VIPR2: variants seen among roughly 807,000 people sequenced by gnomAD.
VIPR2 encodes the protein vasoactive intestinal polypeptide receptor 2.
Under a neutral mutation model 58.0 loss-of-function variants are expected in VIPR2, and 48 were observed. The ratio of observed to expected loss-of-function variants is 0.83; its 90% CI spans 0.66 to 1.05. The LOEUF is 1.05. VIPR2 is among the 50% of genes least tolerant of loss of function. The pLI is 0.00. For synonymous variants in VIPR2, 243 were observed against 235.2 expected (o/e 1.03, Z -0.30); for missense variants, 534 against 558.0 (o/e 0.96, Z 0.43).
intron 4 of VIPR2, among the ~76,000 whole-genome samples, chr7:159,070,362 T>G (rs1049013369): frequency 6.6e-6 from 1 of 152,102 alleles, no homozygotes; most frequent in Non-Finnish European, 1.5e-5. Flanking sequence ...ATTTTCTTAC[T>G]TTCTTGAAAT....
intron 4 of VIPR2, among the ~76,000 whole-genome samples, chr7:159,063,961 G>A (rs939356961): frequency 8.6e-5 from 13 of 150,862 alleles, no homozygotes; most frequent in African/African-American, 3.2e-4. Context: ...GGGGTCCGGG[G>A]GTCGTGGAGC....
chr7:159,065,747 C>CTCCGGTCTCA (rs1160979967), intron 4 of VIPR2, among the ~76,000 whole-genome samples: 1 of 152,210 alleles, frequency 6.6e-6, no homozygotes, highest in Non-Finnish European at 1.5e-5. Flanking sequence ...TGCTTTGCTC[C>CTCCGGTCTCA]TCCGGTCTCA....
chr7:159,038,940 G>A (rs550191984), intron 6 of VIPR2, among the ~76,000 whole-genome samples: 4 of 152,264 alleles, frequency 2.6e-5, no homozygotes, highest in South Asian at 4.2e-4. Flanking sequence ...AGATGAATGC[G>A]GTGTTTTAGA....
chr7:159,040,872 C>T (rs1165160765), intron 6 of VIPR2, among the ~76,000 whole-genome samples: 1 of 152,246 alleles, frequency 6.6e-6, no homozygotes, highest in Non-Finnish European at 1.5e-5. Context: ...CCCCTCCCTC[C>T]TGTCCTCTGT....
chr7:159,052,093 T>C (rs1446424589), intron 5 of VIPR2, among the ~76,000 whole-genome samples: 1 of 152,192 alleles, frequency 6.6e-6, no homozygotes, highest in South Asian at 2.1e-4. Context: ...CCAAAACAGA[T>C]GGCATGCCAG....
At chr7:159,067,357 C>T (rs1328579661) in intron 4 of VIPR2, among the ~76,000 whole-genome samples, 2 of 152,210 alleles carry the variant, frequency 1.3e-5, no homozygotes, top group Admixed American at 6.5e-5. Flanking sequence ...CTCTGGATTC[C>T]AGGTGTGTGG....
chr7:159,056,297 G>T (rs1855325127), intron 5 of VIPR2, among the ~76,000 whole-genome samples: 1 of 151,144 alleles, frequency 6.6e-6, no homozygotes, highest in South Asian at 2.1e-4. Flanking sequence ...TGCCCCTTCA[G>T]GACCCGTGGA....
intron 2 of VIPR2, among the ~76,000 whole-genome samples, chr7:159,120,854 C>T (rs1796428045): frequency 6.6e-6 from 1 of 152,192 alleles, no homozygotes; most frequent in South Asian, 2.1e-4. Flanking sequence ...CATTTTCTAA[C>T]CATCCTAGTC....
intron 5 of VIPR2, among the ~76,000 whole-genome samples, chr7:159,053,141 G>C (rs1391939846): frequency 1.3e-5 from 2 of 151,840 alleles, no homozygotes; most frequent in African/African-American, 4.8e-5. Flanking sequence ...TCTAAGACAG[G>C]GTGTCTCACT....
chr7:159,114,514 G>A (rs117705300), intron 2 of VIPR2, among the ~76,000 whole-genome samples: 43 of 152,228 alleles, frequency 2.8e-4, no homozygotes, highest in Non-Finnish European at 5.7e-4. Context: ...GCTCTGAAAA[G>A]TGGAAAATGT....
intron 6 of VIPR2, among the ~76,000 whole-genome samples, chr7:159,038,425 A>T (rs1434029867): frequency 1.3e-5 from 2 of 152,104 alleles, no homozygotes; most frequent in African/African-American, 4.8e-5. Context: ...TGGTGAATGG[A>T]CACTCAGATC....
At chr7:159,107,067 T>C (rs1795781742) in intron 3 of VIPR2, among the ~76,000 whole-genome samples, 1 of 152,118 alleles carries the variant, frequency 6.6e-6, no homozygotes, top group Admixed American at 6.5e-5. Context: ...TGACGAATAC[T>C]TGAAGGCCTC....
At chr7:159,068,876 GA>G (rs1856239350) in intron 4 of VIPR2, among the ~76,000 whole-genome samples, 1 of 152,210 alleles carries the variant, frequency 6.6e-6, no homozygotes, top group South Asian at 2.1e-4. Flanking sequence ...TAAACAGTCA[GA>G]AAACAGTGTT....
At chr7:159,051,051 C>A (rs1006201490) in intron 5 of VIPR2, among the ~76,000 whole-genome samples, 1 of 152,084 alleles carries the variant, frequency 6.6e-6, no homozygotes, top group Non-Finnish European at 1.5e-5. Context: ...TTCAAGCAAC[C>A]AAAACTCATA....
At chr7:159,034,555 T>A (rs762063586) in intron 9 of VIPR2, 26 bp downstream of exon 9, 9 of 1,603,342 alleles carry the variant, frequency 5.6e-6, no homozygotes, top group Non-Finnish European at 7.7e-6. Context: ...CCACAGATAA[T>A]CCACATGTCA....
At chr7:159,080,360 CA>C (rs1205925919) in intron 4 of VIPR2, among the ~76,000 whole-genome samples, 1 of 152,208 alleles carries the variant, frequency 6.6e-6, no homozygotes, top group Middle Eastern at 3.4e-3. Flanking sequence ...GAACCAAAGA[CA>C]AAAACCACAT....
At chr7:159,073,169 G>A (rs1856489148) in intron 4 of VIPR2, among the ~76,000 whole-genome samples, 1 of 152,134 alleles carries the variant, frequency 6.6e-6, no homozygotes, top group Admixed American at 6.5e-5. Context: ...GATGTCAAAA[G>A]CAGACAATAT....
intron 2 of VIPR2, 82 bp downstream of exon 2, chr7:159,142,364 T>G (rs1585580469): frequency 3.2e-6 from 3 of 947,914 alleles, no homozygotes; most frequent in Non-Finnish European, 4.8e-6. Context: ...ATGCAGGTGG[T>G]GACCCTGAAC....
At chr7:159,049,881 C>T (rs538207823) in intron 5 of VIPR2, among the ~76,000 whole-genome samples, 135 of 152,304 alleles carry the variant, frequency 8.9e-4, no homozygotes, top group African/African-American at 3.1e-3. Context: ...ACCCACATGG[C>T]CCTGACGGCC....
Sources: gnomAD v4.1 joint callset for allele counts (sites outside exome capture counted in the v4.1 genomes callset) on GRCh38, gnomAD v4.1.1 for gene constraint, MANE v1.5 for transcripts, NCBI Gene and HGNC (gene_info 2026-07-23, HGNC 2026-07-21) for gene names.